RYR1: variants seen among roughly 807,000 people sequenced by gnomAD.
RYR1 encodes ryanodine receptor 1, also known as central core disease of muscle.
In RYR1, 342 loss-of-function variants were observed where a neutral mutation model predicts 583.5. That is an observed-to-expected ratio of 0.59 (90% CI 0.54 to 0.64). The LOEUF (loss-of-function observed/expected upper bound fraction) is 0.64. RYR1 is among the 30% of genes least tolerant of loss of function. The pLI is 0.00. For synonymous variants in RYR1, 2,791 were observed against 2,822.5 expected, an observed-to-expected ratio of 0.99 and a Z score of 0.35; for missense variants, 6,032 against 6,917.2, an observed-to-expected ratio of 0.87 and a Z score of 4.54.
chr19:38,434,460 G>A (rs1386823035), intron 1 of RYR1, among the ~76,000 whole-genome samples: 1 of 152,034 alleles, frequency 6.6e-6, no homozygotes, highest in Non-Finnish European at 1.5e-5. Context: ...GTCTCTGGGT[G>A]GTGTCTCTCC....
At chr19:38,525,606 G>A in intron 71 of RYR1, 104 bp downstream of exon 71, 1 of 1,264,040 alleles carries the variant, frequency 7.9e-7, no homozygotes, top group Non-Finnish European at 1.1e-6. Flanking sequence ...AGCCCCCCAG[G>A]TCCCTGGGAG....
intron 84 of RYR1, 143 bp downstream of exon 84, chr19:38,538,103 A>G (rs1300070517): frequency 1.3e-6 from 1 of 798,074 alleles, no homozygotes; most frequent in African/African-American, 1.7e-5. Flanking sequence ...CTAGCTTTCA[A>G]AATCTCTCTG....
rs145224633 is a variant in RYR1, at chr19:38,486,142, C to T, written c.5487C>T (p.Pro1829=). 8.2e-5 allele frequency: 132 copies of T among 1,613,174 alleles called. No individual in the cohort carries two copies. The highest frequency in any genetic ancestry group is 1.0e-4 in the Non-Finnish European group (123 of 1,179,904). ...VRDGGQHARD[P]VGGSVEFQFV... is the part of the protein sequence containing the mutation. Reference sequence around the variant, plus strand: ...ACGGTGGGCAGCACGCTCGCGACCCCGTCGGGGGCTCCGTGGAGTTCCAGT... The same window carrying T: ...ACGGTGGGCAGCACGCTCGCGACCCTGTCGGGGGCTCCGTGGAGTTCCAGT... Residue 1829 remains proline, a synonymous_variant, in exon 34 of 106, where the codon CCC becomes CCT. Coordinates refer to ENST00000359596, the MANE Select transcript of RYR1 (RefSeq NM_000540.3).
chr19:38,500,517 C>G lies in RYR1; in HGVS notation c.7324-89C>G. The G allele has an allele frequency of 1.3e-6, 2 of 1,583,906 alleles. No homozygotes were observed. Among genetic ancestry groups the G allele is most frequent in the Non-Finnish European group, 1.7e-6 (2 of 1,158,068 alleles). ...TCCTGAGAAAGAGGCCTGCTCTACC[C>G]TCCTGTGTGGTAAGGGAGGGAGCAG... On this transcript the variant is annotated intron_variant, in intron 45 of 105. Coordinates refer to ENST00000359596, the MANE Select transcript of RYR1 (RefSeq NM_000540.3). This position sits in a 1 kb window ranked among gnomAD's most constrained non-coding sequence, Gnocchi z 5.9.
chr19:38,483,383 C>A lies in RYR1; in HGVS notation c.4801C>A (p.Pro1601Thr), dbSNP rs1313969909. ...GCGGCTGGAGATGCAGATGCTGATG[C>A]CAGTGTCCTGGAGCCGCATGCCCAA... ...PPRLEMQMLM[P>T]VSWSRMPNHF... Residue 1601 changes from proline (P) to threonine (T), a missense_variant, in exon 33 of 106, where the codon CCA becomes ACA. Pro to Thr is a conservative substitution (Grantham distance 38). This residue lies in a region of RYR1 where 2,627 missense variants were observed against 2,961.3 expected (regional missense o/e 0.89). Coordinates refer to ENST00000359596, the MANE Select transcript of RYR1 (RefSeq NM_000540.3). This position sits in a 1 kb window ranked among gnomAD's most constrained non-coding sequence, Gnocchi z 6.3. The A allele has an allele frequency of 3.2e-6, 5 of 1,566,988 alleles. No individual in the cohort carries two copies. Among genetic ancestry groups the A allele is most frequent in the Non-Finnish European group, 3.5e-6 (4 of 1,156,726 alleles).
At position 38,485,970 on chromosome 19, in the gene RYR1, G is replaced by T; in HGVS notation, c.5315G>T (p.Arg1772Met). Reference sequence around the variant, plus strand: ...GGAGTTGGAGTCACCACTTCGCTGAGGCCCCCGCATCATTTCTCGCCCCCC... The same window carrying T: ...GGAGTTGGAGTCACCACTTCGCTGATGCCCCCGCATCATTTCTCGCCCCCC... ...LPGVGVTTSL[R>M]PPHHFSPPCF... Residue 1772 changes from arginine to methionine, a missense_variant, in exon 34 of 106, where the codon AGG (arginine) becomes ATG (methionine). Arg to Met is a moderately conservative substitution (Grantham distance 91, BLOSUM62 -1). This residue lies in a region of RYR1 where 2,627 missense variants were observed against 2,961.3 expected (regional missense o/e 0.89). Coordinates refer to ENST00000359596, the MANE Select transcript of RYR1 (RefSeq NM_000540.3). The T allele has an allele frequency of 6.2e-7, 1 of 1,613,680 alleles. No homozygotes were observed. The highest frequency in any genetic ancestry group is 8.5e-7 in the Non-Finnish European group (1 of 1,179,982).
At chr19:38,476,253 C>T (rs1968720419) in intron 29 of RYR1, among the ~76,000 whole-genome samples, 1 of 152,100 alleles carries the variant, frequency 6.6e-6, no homozygotes, top group African/African-American at 2.4e-5. Flanking sequence ...GGCTGGAGTG[C>T]AGTGGCGCGA....
Position 38,506,743 on chromosome 19 carries a change from C to T in RYR1, c.8693-86C>T. 8.8e-6 allele frequency: 14 copies of T among 1,592,392 alleles called. No homozygotes were observed. The South Asian group carries it at 1.1e-4, about 13-fold the overall frequency. On this transcript the variant is annotated intron_variant, in intron 56 of 105. Coordinates refer to ENST00000359596, the MANE Select transcript of RYR1 (RefSeq NM_000540.3). Reference sequence around the variant, plus strand: ...CGTATCTTCTTTATCACCATAATTACGCATGCCGGGCACTGCAGGAACCAC... The same window carrying T: ...CGTATCTTCTTTATCACCATAATTATGCATGCCGGGCACTGCAGGAACCAC...
chr19:38,528,247 G>A, intron 73 of RYR1, 59 bp from the exon 74 acceptor site: 2 of 1,435,052 alleles, frequency 1.4e-6, no homozygotes, highest in Non-Finnish European at 9.8e-7. Flanking sequence ...TTTCATCCAG[G>A]GCTGGGAGTG....
In RYR1 at chr19:38,502,638, G is replaced by A; in HGVS notation, c.7746G>A (p.Met2582Ile). 2.5e-6 allele frequency: 4 copies of A among 1,613,088 alleles called. 1 individual carries two copies. The highest frequency in any genetic ancestry group is 2.2e-5 in the East Asian group (1 of 44,862). The change falls in exon 48 of 106, where the codon ATG (methionine) becomes ATA (isoleucine). Residue 2582 changes from methionine to isoleucine, a missense_variant. Around this residue, in one of 11 missense-constraint regions of RYR1, gnomAD observed 250 missense variants for 162.3 expected, o/e 1.54. Transcript: ENST00000359596. ...ACCGCGCCATCATGGTGGACTCTAT[G>A]CTGCATACCGTGTACCGCCTGTCTC... is the stretch of plus-strand genomic sequence containing the variant. ...TEHRAIMVDS[M>I]LHTVYRLSRG...
At chr19:38,472,733 C>T (rs895227219) in intron 27 of RYR1, among the ~76,000 whole-genome samples, 3 of 150,822 alleles carry the variant, frequency 2.0e-5, no homozygotes, top group Admixed American at 6.6e-5. Context: ...CAAAAATTAG[C>T]CAGGCGTGTT....
Position 38,494,545 on chromosome 19 carries a change from C to G in RYR1, c.6468C>G (p.Leu2156=), listed in dbSNP as rs139714680. The part of the protein sequence containing the change: ...PSSVEDTMSL[L]ECLGQIRSLL... The stretch of plus-strand genomic sequence containing the variant: ...CCGTGGAAGACACCATGAGCCTGCT[C>G]GAGTGCCTCGGCCAGATCCGCTCGC... Residue 2156 remains leucine, a synonymous_variant, in exon 39 of 106, where the codon CTC becomes CTG. Transcript: ENST00000359596. 3 of 1,614,048 alleles carry G rather than the reference C, an allele frequency of 1.9e-6. No homozygotes were observed. The highest frequency in any genetic ancestry group is 4.5e-5 in the East Asian group (2 of 44,888).
chr19:38,467,548 C>T, intron 24 of RYR1, 62 bp from the exon 25 acceptor site: 2 of 1,569,982 alleles, frequency 1.3e-6, no homozygotes, highest in Non-Finnish European at 1.8e-6. Flanking sequence ...CTACCAACTT[C>T]TCGATGTCTT....
In RYR1 at chr19:38,496,323, G is replaced by T. The variant is rs745850218; in HGVS notation, c.6657G>T (p.Glu2219Asp). 3.7e-6 allele frequency: 6 copies of T among 1,614,000 alleles called. No individual in the cohort carries two copies. The highest frequency in any genetic ancestry group is 5.1e-6 in the Non-Finnish European group (6 of 1,180,036). The part of the protein sequence containing the change: ...EVMVNVLGGG[E>D]SKEIRFPKMV... ...TGGTCAACGTCCTCGGGGGCGGCGA[G>T]TCCAAGGTGAGGGCCCAGGCAGGTG... The change falls in exon 40 of 106, where the codon GAG becomes GAT. Residue 2219 changes from glutamate (E) to aspartate (D), a missense_variant. This residue lies in a region of RYR1 where 2,627 missense variants were observed against 2,961.3 expected (regional missense o/e 0.89). Transcript: ENST00000359596. The surrounding 1 kb of genome is among the most constrained non-coding windows in gnomAD (Gnocchi z 4.8).
intron 101 of RYR1, among the ~76,000 whole-genome samples, chr19:38,581,639 C>T (rs138351255): frequency 0.067 from 10,126 of 152,112 alleles, 442 homozygotes; most frequent in East Asian, 0.17. Context: ...CGTTCTGTCA[C>T]CCAGGCTGGA....
chr19:38,437,808 C>T (rs1229966631), intron 1 of RYR1, among the ~76,000 whole-genome samples: 1 of 151,614 alleles, frequency 6.6e-6, no homozygotes, highest in African/African-American at 2.4e-5. Context: ...AGAGCAAGAC[C>T]CTGTGTCTAC....
At chr19:38,484,933 T>C (rs1190332564) in intron 33 of RYR1, among the ~76,000 whole-genome samples, 1 of 152,094 alleles carries the variant, frequency 6.6e-6, no homozygotes, top group African/African-American at 2.4e-5. Flanking sequence ...ATCGCACCAC[T>C]GCACTCTAGC....
intron 105 of RYR1, 91 bp from the exon 106 acceptor site, chr19:38,587,234 C>T (rs945183823): frequency 1.1e-6 from 1 of 898,938 alleles, no homozygotes; most frequent in South Asian, 1.4e-5. Context: ...GCCTGGGCAA[C>T]AGAGCAACAC....
At chr19:38,582,410 A>G (rs1974256856) in intron 101 of RYR1, among the ~76,000 whole-genome samples, 1 of 151,922 alleles carries the variant, frequency 6.6e-6, no homozygotes. Flanking sequence ...AAAAAAGGAA[A>G]AAAAAAAAGA....
Sources: allele counts gnomAD v4.1 joint callset (sites outside exome capture counted in the v4.1 genomes callset), GRCh38; gene constraint gnomAD v4.1.1; regional missense constraint gnomAD v4.1.1; non-coding constraint Gnocchi (gnomAD v3.1); transcripts MANE v1.5; gene names NCBI Gene and HGNC (gene_info 2026-07-23, HGNC 2026-07-21).